DNAH8: variants seen among roughly 807,000 people sequenced by gnomAD.
DNAH8 encodes axonemal beta dynein heavy chain 8.
DNAH8 carries 382 observed loss-of-function variants against 562.1 expected under a neutral mutation model. The observed-to-expected ratio is 0.68, with a 90% CI of 0.63 to 0.74. The LOEUF (loss-of-function observed/expected upper bound fraction) is 0.74, where lower values mean the gene tolerates loss of function less well. Among genes scored for constraint, DNAH8 ranks in the 30% least tolerant of loss-of-function variants. The pLI, the probability that DNAH8 is intolerant of heterozygous loss-of-function variation, is 0.00. For missense variants in DNAH8, 5,203 were observed against 5,620.4 expected (o/e 0.93, Z 2.37); for synonymous variants, 1,881 against 1,919.4 (o/e 0.98, Z 0.52).
Position 38,909,607 on chromosome 6 carries a change from G to T in DNAH8, c.9603G>T (p.Glu3201Asp), listed in dbSNP as rs1780729091. The T allele has an allele frequency of 6.2e-7, 1 of 1,614,070 alleles. No homozygotes were observed. Among genetic ancestry groups the T allele is most frequent in the Non-Finnish European group, 8.5e-7 (1 of 1,180,024 alleles). The change falls in exon 65 of 93, where the codon GAG becomes GAT. Residue 3201 changes from glutamate (E) to aspartate (D), a missense_variant. Around this residue, in one of 6 missense-constraint regions of DNAH8, gnomAD observed 977 missense variants for 1,061.8 expected, o/e 0.92. Coordinates refer to ENST00000327475, the MANE Select transcript of DNAH8 (RefSeq NM_001206927.2). ...TMDWFSRWPR[E>D]ALIAVASYFL... is the part of the protein sequence containing the mutation. ...ACTGGTTCAGCCGCTGGCCAAGGGAGGCTCTGATTGCTGTGGCCTCCTACT... is the reference window on the plus strand; with the variant it reads ...ACTGGTTCAGCCGCTGGCCAAGGGATGCTCTGATTGCTGTGGCCTCCTACT...
In DNAH8 at chr6:38,887,008, T is replaced by C; in HGVS notation, c.8473+4T>C. The C allele has an allele frequency of 6.3e-7, 1 of 1,575,868 alleles. No individual in the cohort carries two copies. The highest frequency in any genetic ancestry group is 2.2e-5 in the East Asian group (1 of 44,602). ...GCTTCAATAGACAAAATTTTTGGTA[T>C]GAATATTCTTAGCGTTTATTTTATT... is the stretch of plus-strand genomic sequence containing the variant. On this transcript the variant is annotated splice_donor_region_variant and intron_variant, in intron 57 of 92. Coordinates refer to ENST00000327475, the MANE Select transcript of DNAH8 (RefSeq NM_001206927.2).
intron 24 of DNAH8, among the ~76,000 whole-genome samples, chr6:38,809,832 T>A (rs1413435781): frequency 6.6e-6 from 1 of 152,224 alleles, no homozygotes; most frequent in African/African-American, 2.4e-5. Context: ...TGTTGTTAGG[T>A]GCATACAAGG....
intron 8 of DNAH8, among the ~76,000 whole-genome samples, chr6:38,742,929 G>C (rs1272192192): frequency 6.7e-6 from 1 of 149,642 alleles, no homozygotes; most frequent in Non-Finnish European, 1.5e-5. Flanking sequence ...CCCCACCCCT[G>C]ATAGTATATC....
chr6:38,722,754 C>A, intron 1 of DNAH8, 22 bp from the exon 2 acceptor site: 1 of 1,493,904 alleles, frequency 6.7e-7, no homozygotes, highest in Non-Finnish European at 8.9e-7. Flanking sequence ...TAGTTTTAAA[C>A]GAACCTATGT....
chr6:38,973,106 C>T (rs920746852), intron 83 of DNAH8, among the ~76,000 whole-genome samples: 2 of 152,116 alleles, frequency 1.3e-5, no homozygotes, highest in Non-Finnish European at 2.9e-5. Context: ...TTTGTTTAAT[C>T]AAGTATTTAT....
At chr6:38,823,472 A>G in intron 27 of DNAH8, 90 bp from the exon 28 acceptor site, 1 of 985,716 alleles carries the variant, frequency 1.0e-6, no homozygotes, top group Non-Finnish European at 1.5e-6. Context: ...ACAAGTGTAA[A>G]TGTGTATGAG....
chr6:38,880,209 T>A (rs1452294127), intron 53 of DNAH8, among the ~76,000 whole-genome samples: 1 of 152,128 alleles, frequency 6.6e-6, no homozygotes. Flanking sequence ...ATTGTGCCAC[T>A]GCACTCCGGC....
At chr6:38,886,512 C>T (rs1028593084) in intron 56 of DNAH8, among the ~76,000 whole-genome samples, 10 of 152,028 alleles carry the variant, frequency 6.6e-5, no homozygotes, top group Non-Finnish European at 1.3e-4. Context: ...GTAATTTAAC[C>T]AAATATCTTA....
At chr6:39,026,794 C>T (rs1583592560) in intron 92 of DNAH8, 127 bp downstream of exon 92, 1 of 925,920 alleles carries the variant, frequency 1.1e-6, no homozygotes, top group Non-Finnish European at 1.6e-6. Flanking sequence ...TTCCCTCCAT[C>T]ATAGCCAGAA....
At chr6:38,732,999 C>T (rs916573892) in intron 4 of DNAH8, among the ~76,000 whole-genome samples, 1 of 152,114 alleles carries the variant, frequency 6.6e-6, no homozygotes, top group African/African-American at 2.4e-5. Context: ...AGTGATTCTC[C>T]TGCCTCAACC....
At position 38,949,515 on chromosome 6, in the gene DNAH8, A is replaced by T; in HGVS notation, c.12193A>T (p.Ile4065Phe). The change falls in exon 81 of 93, where the codon ATC becomes TTC. Residue 4065 changes from isoleucine to phenylalanine, a missense_variant. Ile to Phe is a conservative substitution (Grantham distance 21). Around this residue, in one of 6 missense-constraint regions of DNAH8, gnomAD observed 1,399 missense variants for 1,518.4 expected, o/e 0.92. Coordinates refer to ENST00000327475, the MANE Select transcript of DNAH8 (RefSeq NM_001206927.2). The stretch of plus-strand genomic sequence containing the variant: ...TAAAGATGCTCCAGAGGAGGAAATT[A>T]TCCCTGATGGATATAATGATTCACT... ...FDKDAPEEEI[I>F]PDGYNDSLDT... 2 of 1,613,562 alleles carry T rather than the reference A, an allele frequency of 1.2e-6. No homozygotes were observed. The highest frequency in any genetic ancestry group is 1.7e-6 in the Non-Finnish European group (2 of 1,179,522).
chr6:38,936,911 C>T (rs1490186702), intron 77 of DNAH8, among the ~76,000 whole-genome samples: 3 of 152,024 alleles, frequency 2.0e-5, no homozygotes, highest in Admixed American at 6.6e-5. Flanking sequence ...GGGAACTGTT[C>T]GCAGATATGG....
chr6:38,994,500 A>ATTT (rs33926161), intron 88 of DNAH8, among the ~76,000 whole-genome samples: 65 of 145,362 alleles, frequency 4.5e-4, no homozygotes, highest in Non-Finnish European at 5.6e-4. Flanking sequence ...AATCATCTAC[A>ATTT]TTTTTTTTTT....
chr6:38,898,238 A>G lies in DNAH8; in HGVS notation c.8941-20A>G, dbSNP rs770447868. 2 of 1,566,590 alleles carry G rather than the reference A, an allele frequency of 1.3e-6. No individual in the cohort carries two copies. Among genetic ancestry groups the G allele is most frequent in the Admixed American group, 2.0e-5 (1 of 48,860 alleles). On this transcript the variant is annotated intron_variant, in intron 60 of 92. Coordinates refer to ENST00000327475, the MANE Select transcript of DNAH8 (RefSeq NM_001206927.2). ...CTTGGATCTTAAATATTATTTTTTT[A>G]TCTTTCTCTCCACCCATAGATGCCA...
intron 25 of DNAH8, 152 bp downstream of exon 25, chr6:38,814,281 A>T: frequency 1.7e-6 from 1 of 593,396 alleles, no homozygotes; most frequent in Non-Finnish European, 2.9e-6. Flanking sequence ...TATATCTGTT[A>T]TGAAAAAGCT....
At chr6:38,813,928 A>G in intron 24 of DNAH8, 126 bp from the exon 25 acceptor site, 1 of 739,570 alleles carries the variant, frequency 1.4e-6, no homozygotes, top group Non-Finnish European at 2.4e-6. Flanking sequence ...TATAAGTAAT[A>G]TTCTCTTTGT....
chr6:38,800,211 C>A (rs904344853), intron 21 of DNAH8, among the ~76,000 whole-genome samples: 3 of 150,160 alleles, frequency 2.0e-5, no homozygotes, highest in Admixed American at 6.9e-5. Context: ...ACATAAGTGT[C>A]TATTTTTTTT....
intron 25 of DNAH8, 106 bp from the exon 26 acceptor site, chr6:38,815,361 TG>T: frequency 1.2e-6 from 1 of 812,242 alleles, no homozygotes; most frequent in Non-Finnish European, 2.0e-6. Context: ...AGCCTTGCAC[TG>T]GGCCAGCCGA....
At chr6:38,906,154 G>T (rs1349785524) in intron 62 of DNAH8, 100 bp from the exon 63 acceptor site, 3 of 598,450 alleles carry the variant, frequency 5.0e-6, no homozygotes, top group Admixed American at 3.1e-5. Flanking sequence ...TGATCCACCC[G>T]CCTTGGCCTC....
Sources: allele counts gnomAD v4.1 joint callset (sites outside exome capture counted in the v4.1 genomes callset), GRCh38; gene constraint gnomAD v4.1.1; regional missense constraint gnomAD v4.1.1; transcripts MANE v1.5; gene names NCBI Gene and HGNC (gene_info 2026-07-23, HGNC 2026-07-21).